The following PNISR variants were observed in gnomAD, a reference collection of about 807,000 sequenced individuals.
PNISR encodes the protein arginine/serine-rich protein PNISR.
A neutral mutation model predicts 93.4 loss-of-function variants in PNISR; 20 were observed. That is an observed-to-expected ratio of 0.21 (90% CI 0.15 to 0.31). PNISR has a LOEUF of 0.31. PNISR is among the 10% of genes least tolerant of loss of function. The pLI is 1.00. For synonymous variants in PNISR, 305 were observed against 306.5 expected (o/e 0.99, Z 0.05); for missense variants, 893 against 985.4 (o/e 0.91, Z 1.25).
chr6:99,418,790 T>C lies in PNISR; in HGVS notation c.-111-2362A>G, dbSNP rs1778083325. 2.6e-5 allele frequency among the ~76,000 whole-genome samples: 4 copies of C among 152,172 alleles called. No homozygotes were observed. The South Asian group carries it at 8.3e-4, about 32-fold the overall frequency. On this transcript the variant is annotated intron_variant, in intron 1 of 11. Coordinates refer to ENST00000369239, the MANE Select transcript of PNISR (RefSeq NM_032870.4). Reference sequence around the variant, plus strand: ...AAGTCTGGAGTTGAGAAACTTGATTTAGTTACAGAGGATGACTACTGGATG... The same window carrying C: ...AAGTCTGGAGTTGAGAAACTTGATTCAGTTACAGAGGATGACTACTGGATG...
At chr6:99,415,687 T>C (rs1384736142) in intron 2 of PNISR, 1 of 152,212 alleles carries the variant, frequency 6.6e-6, no homozygotes, top group African/African-American at 2.4e-5. Flanking sequence ...GCTTAGTTCA[T>C]AGCAGGCATT....
intron 1 of PNISR, among the ~76,000 whole-genome samples, chr6:99,418,818 G>A (rs947087776): frequency 6.6e-6 from 1 of 152,094 alleles, no homozygotes; most frequent in Admixed American, 6.6e-5. Flanking sequence ...ACTGGATGAG[G>A]GCACAGGTGG....
rs1775256312 is a variant in PNISR, at chr6:99,399,875, T to C, written c.*665A>G. 1 of 152,122 alleles carries C rather than the reference T, an allele frequency of 6.6e-6. No individual in the cohort carries two copies. Among genetic ancestry groups the C allele is most frequent in the Admixed American group, 6.6e-5 (1 of 15,256 alleles). 9.4% of individuals were successfully genotyped at this position (152,122 alleles called of 1,614,324 possible). A position where few individuals can be genotyped will look rare whatever the true frequency, so the allele number is the denominator to read the frequency against. Reference sequence around the variant, plus strand: ...TTTCTTTGGGGGAGGTGAGAGAAGGTACCTTTAAAACCTGTTATACAAAAT... The same window carrying C: ...TTTCTTTGGGGGAGGTGAGAGAAGGCACCTTTAAAACCTGTTATACAAAAT... On this transcript the variant is annotated 3_prime_UTR_variant, in exon 12 of 12. Transcript: ENST00000369239.
intron 4 of PNISR, chr6:99,411,790 G>GTTT (rs1223091085): frequency 1.2e-4 from 17 of 141,054 alleles, no homozygotes; most frequent in Non-Finnish European, 1.7e-4. Flanking sequence ...AAGTTTTAAG[G>GTTT]TTTTTTTTTT....
In PNISR at chr6:99,408,071, T is replaced by C. The variant is rs1402261755; in HGVS notation, c.864+10A>G. The C allele has an allele frequency of 1.3e-6, 2 of 1,565,298 alleles. No individual in the cohort carries two copies. Among genetic ancestry groups the C allele is most frequent in the East Asian group, 2.2e-5 (1 of 44,552 alleles). On this transcript the variant is annotated intron_variant, in intron 7 of 11. Coordinates refer to ENST00000369239, the MANE Select transcript of PNISR (RefSeq NM_032870.4). ...TTCACATGGAGTTTCATGTTGGGGA[T>C]TCTACTTACAAATTTACTTCTCTGA...
Position 99,417,016 on chromosome 6 carries a change from G to T in PNISR, c.-111-588C>A, listed in dbSNP as rs116534460. Among the ~76,000 whole-genome samples the T allele has an allele frequency of 2.3e-3, 346 of 152,300 alleles. 2 individuals carry two copies. Among genetic ancestry groups the T allele is most frequent in the African/African-American group, 8.1e-3 (335 of 41,580 alleles). ...AATCAGTGTCTAGCTATTACTTTCT[G>T]TTTAAAGGCTAATGATGAGGAAGCT... is the stretch of plus-strand genomic sequence containing the variant. On this transcript the variant is annotated intron_variant, in intron 1 of 11. Transcript: ENST00000369239.
Position 99,412,756 on chromosome 6 carries a change from C to G in PNISR, c.89-17G>C, listed in dbSNP as rs747603028. ...CAATCTGGCCTAACGTAAATTAACA[C>G]TGACTTCAGCATTCAGAATGTAGGA... On this transcript the variant is annotated splice_polypyrimidine_tract_variant and intron_variant, in intron 3 of 11. Transcript: ENST00000369239. 6.7e-7 allele frequency: 1 copy of G among 1,502,658 alleles called. No individual in the cohort carries two copies. The highest frequency in any genetic ancestry group is 8.9e-7 in the Non-Finnish European group (1 of 1,118,498). The allele number at this position is 1,502,658 out of a possible 1,614,324, so 93.1% of individuals were successfully genotyped here.
intron 1 of PNISR, among the ~76,000 whole-genome samples, chr6:99,420,654 T>A (rs1330199165): frequency 6.6e-6 from 1 of 152,208 alleles, no homozygotes; most frequent in Non-Finnish European, 1.5e-5. Context: ...AATTTCACTA[T>A]GGTTTAACAA....
Position 99,401,754 on chromosome 6 carries a change from TGTAA to T in PNISR, c.1328-128_1328-125del, listed in dbSNP as rs1775530173. 6 of 684,716 alleles carry T rather than the reference TGTAA, an allele frequency of 8.8e-6. No individual in the cohort carries two copies. In the Admixed American group the frequency reaches 1.2e-4, roughly 13 times the overall value. 42.4% of individuals were successfully genotyped at this position (684,716 alleles called of 1,614,324 possible). ...TTCAATAGAATTACGATGCAAGCCA[TGTAA>T]GTAATTCAAAATTTTTTAGTAACCA... is the stretch of plus-strand genomic sequence containing the variant. On this transcript the variant is annotated intron_variant, in intron 11 of 11. Coordinates refer to ENST00000369239, the MANE Select transcript of PNISR (RefSeq NM_032870.4).
chr6:99,418,145 A>G (rs986637432), intron 1 of PNISR, among the ~76,000 whole-genome samples: 1 of 151,542 alleles, frequency 6.6e-6, no homozygotes, highest in Non-Finnish European at 1.5e-5. Context: ...TATTATTATT[A>G]TATTTTTTTT....
At chr6:99,423,503 T>C (rs866676240) in intron 1 of PNISR, among the ~76,000 whole-genome samples, 1 of 152,186 alleles carries the variant, frequency 6.6e-6, no homozygotes, top group Admixed American at 6.5e-5. Context: ...AGTGGATAAA[T>C]CTAACAAACG....
At chr6:99,409,475 T>C in intron 5 of PNISR, 131 bp from the exon 6 acceptor site, 1 of 719,368 alleles carries the variant, frequency 1.4e-6, no homozygotes, top group African/African-American at 1.8e-5. Context: ...GGCTCTAATA[T>C]CCACCGATAC....
rs570796643 is a variant in PNISR, at chr6:99,416,094, A to G, written c.-32+255T>C. 1.1e-5 allele frequency: 3 copies of G among 283,574 alleles called. No individual in the cohort carries two copies. The South Asian group carries it at 5.0e-4, about 47-fold the overall frequency. The allele number at this position is 283,574 out of a possible 1,614,324, so 17.6% of individuals were successfully genotyped here. ...TAGAATATGGCAAAATAGGCACTACATAGCACAAATGAGGCCAACAACTGG... is the reference window on the plus strand; with the variant it reads ...TAGAATATGGCAAAATAGGCACTACGTAGCACAAATGAGGCCAACAACTGG... On this transcript the variant is annotated intron_variant, in intron 2 of 11. Coordinates refer to ENST00000369239, the MANE Select transcript of PNISR (RefSeq NM_032870.4).
intron 10 of PNISR, 155 bp downstream of exon 10, chr6:99,403,673 AT>A (rs1159210553): frequency 2.1e-6 from 1 of 475,754 alleles, no homozygotes; most frequent in Non-Finnish European, 3.8e-6. Flanking sequence ...AGTCAAAAAA[AT>A]AGGCAAACCT....
At chr6:99,401,823 A>G (rs1775537582) in intron 11 of PNISR, among the ~76,000 whole-genome samples, 193 bp from the exon 12 acceptor site, 1 of 152,246 alleles carries the variant, frequency 6.6e-6, no homozygotes, top group Non-Finnish European at 1.5e-5. Context: ...ATAACCCAAT[A>G]TACCAAAAAT....
intron 6 of PNISR, 76 bp from the exon 7 acceptor site, chr6:99,408,347 AT>A (rs1776417926): frequency 9.8e-7 from 1 of 1,023,742 alleles, no homozygotes; most frequent in South Asian, 1.5e-5. Context: ...AATTTAAAAA[AT>A]ATCCCATTAA....
chr6:99,404,462 T>C lies in PNISR; in HGVS notation c.1102+141A>G, dbSNP rs191131711. On this transcript the variant is annotated intron_variant, in intron 9 of 11. Coordinates refer to ENST00000369239, the MANE Select transcript of PNISR (RefSeq NM_032870.4). ...ATAGCTTTAATATGGTGTCTACGAATCTAATCTTTAAGAGTTAAAACATGC... is the reference window on the plus strand; with the variant it reads ...ATAGCTTTAATATGGTGTCTACGAACCTAATCTTTAAGAGTTAAAACATGC... 4.3e-6 allele frequency: 3 copies of C among 695,432 alleles called. No individual in the cohort carries two copies. In the African/African-American group the frequency reaches 5.3e-5, roughly 12 times the overall value. The allele number at this position is 695,432 out of a possible 1,614,324, so 43.1% of individuals were successfully genotyped here.
At chr6:99,421,834 G>A (rs1246172268) in intron 1 of PNISR, among the ~76,000 whole-genome samples, 1 of 152,044 alleles carries the variant, frequency 6.6e-6, no homozygotes, top group Non-Finnish European at 1.5e-5. Flanking sequence ...GAACTTCATC[G>A]CTTTGAGGTC....
In PNISR at chr6:99,425,255, T is replaced by C; in HGVS notation, c.-152A>G. On this transcript the variant is annotated 5_prime_UTR_variant, in exon 1 of 12. Coordinates refer to ENST00000369239, the MANE Select transcript of PNISR (RefSeq NM_032870.4). The stretch of plus-strand genomic sequence containing the variant: ...AACACCCTTGTCGCCGCCGTTCCGG[T>C]AACACCTCTCCAACGCTTTCGATGC... 4.1e-6 allele frequency: 5 copies of C among 1,232,172 alleles called. No homozygotes were observed. In the South Asian group the frequency reaches 1.2e-4, roughly 30 times the overall value. The allele number at this position is 1,232,172 out of a possible 1,614,324, so 76.3% of individuals were successfully genotyped here.
Sources: gnomAD v4.1 joint callset for allele counts (sites outside exome capture counted in the v4.1 genomes callset) on GRCh38, gnomAD v4.1.1 for gene constraint, MANE v1.5 for transcripts, NCBI Gene and HGNC (gene_info 2026-07-23, HGNC 2026-07-21) for gene names.